Variants in SLC13A3 observed in about 807,000 individuals in gnomAD.
SLC13A3 encodes solute carrier family 13 member 3.
In SLC13A3, 40 loss-of-function variants were observed where a neutral mutation model predicts 59.0. That is an observed-to-expected ratio of 0.68 (90% confidence interval 0.53 to 0.88). The LOEUF is 0.88. SLC13A3 is among the 40% of genes least tolerant of loss of function. The pLI is 0.00. For missense variants in SLC13A3, 699 were observed against 783.2 expected (o/e 0.89, Z 1.28); for synonymous variants, 317 against 330.3 (o/e 0.96, Z 0.44).
At position 46,600,036 on chromosome 20, in the gene SLC13A3, A is replaced by G. The variant is rs780469135; in HGVS notation, c.543T>C (p.Ala181=). The G allele has an allele frequency of 6.4e-7, 1 of 1,559,836 alleles. No homozygotes were observed. The highest frequency in any genetic ancestry group is 8.8e-7 in the Non-Finnish European group (1 of 1,142,352). The change falls in exon 4 of 13, where the codon GCT becomes GCC. Residue 181 remains alanine, a splice_region_variant and synonymous_variant. Transcript: ENST00000279027. ...DPSQESEENT[A]AVRRNGLHTV... ...TGTGTAGGCCGTTTCTCCGCACAGCAGCTAGGAGGAAAGAGCATGATGTCT... is the reference window on the plus strand; with the variant it reads ...TGTGTAGGCCGTTTCTCCGCACAGCGGCTAGGAGGAAAGAGCATGATGTCT...
At chr20:46,578,675 T>TA (rs930608599) in intron 9 of SLC13A3, among the ~76,000 whole-genome samples, 2 of 151,852 alleles carry the variant, frequency 1.3e-5, no homozygotes. Flanking sequence ...GACCCTGTCT[T>TA]AAAAAATAAA....
rs758807264 is a variant in SLC13A3, at chr20:46,613,660, G to A, written c.177C>T (p.Leu59=). 1.2e-6 allele frequency: 2 copies of A among 1,612,236 alleles called. No homozygotes were observed. The highest frequency in any genetic ancestry group is 3.4e-5 in the Admixed American group (2 of 59,690). Residue 59 remains leucine, a synonymous_variant, in exon 2 of 13, where the codon CTC becomes CTT. Coordinates refer to ENST00000279027, the MANE Select transcript of SLC13A3 (RefSeq NM_022829.6). ...AVYWCTEALP[L]SVTALLPIVL... ...CGATGGGCAGCAGCGCCGTCACTGA[G>A]AGCGGCAGGGCCTCCGTGCACCAGT...
intron 10 of SLC13A3, among the ~76,000 whole-genome samples, chr20:46,567,904 T>C (rs1429385209): frequency 6.6e-6 from 1 of 152,166 alleles, no homozygotes; most frequent in African/African-American, 2.4e-5. Context: ...TGCTTAGACC[T>C]AGAACAAAGC....
chr20:46,653,563 T>C (rs2062966259), upstream of SLC13A3, among the ~76,000 whole-genome samples: 1 of 152,190 alleles, frequency 6.6e-6, no homozygotes, highest in African/African-American at 2.4e-5. Context: ...TTGGACAAGC[T>C]TGTCAGAAGT....
intron 1 of SLC13A3, among the ~76,000 whole-genome samples, chr20:46,619,939 G>A (rs183260166): frequency 6.6e-6 from 1 of 152,248 alleles, no homozygotes; most frequent in Admixed American, 6.5e-5. Flanking sequence ...CATGACTTTC[G>A]TGACCTTGGA....
intron 1 of SLC13A3, among the ~76,000 whole-genome samples, chr20:46,644,277 C>T (rs1204437043): frequency 6.6e-6 from 1 of 152,094 alleles, no homozygotes; most frequent in African/African-American, 2.4e-5. Context: ...TAACTATAAG[C>T]CAGCACTCCA....
At chr20:46,636,610 C>T (rs1289242425) in intron 1 of SLC13A3, among the ~76,000 whole-genome samples, 1 of 152,178 alleles carries the variant, frequency 6.6e-6, no homozygotes, top group Admixed American at 6.5e-5. Flanking sequence ...CCTGGCTCCT[C>T]ATCACAGCCC....
At chr20:46,577,550 A>G (rs366809) in intron 9 of SLC13A3, among the ~76,000 whole-genome samples, 120,714 of 149,194 alleles carry the variant, frequency 0.81, 48,022 homozygotes, top group East Asian at 0.89. Context: ...GAAGGAAGAA[A>G]GCCTTGAGCA....
At chr20:46,591,143 G>C (rs1368133731) in intron 6 of SLC13A3, among the ~76,000 whole-genome samples, 1 of 151,500 alleles carries the variant, frequency 6.6e-6, no homozygotes, top group Non-Finnish European at 1.5e-5. Context: ...CTCCAGCCTG[G>C]GTGACAGAAT....
intron 1 of SLC13A3, among the ~76,000 whole-genome samples, chr20:46,661,691 TG>T (rs1378577875): frequency 6.6e-6 from 1 of 152,154 alleles, no homozygotes; most frequent in African/African-American, 2.4e-5. Flanking sequence ...TGGAGGGCTA[TG>T]GTTCTACACA....
intron 1 of SLC13A3, among the ~76,000 whole-genome samples, chr20:46,624,943 A>C (rs1334764598): frequency 2.6e-5 from 4 of 152,118 alleles, no homozygotes; most frequent in Middle Eastern, 3.4e-3. Context: ...GGGAAAAAAA[A>C]CCCAAGGGAA....
At chr20:46,672,435 G>A (rs1285598805), upstream of SLC13A3, among the ~76,000 whole-genome samples, 2 of 152,190 alleles carry the variant, frequency 1.3e-5, no homozygotes, top group Non-Finnish European at 2.9e-5. Context: ...ACCTGTGCCA[G>A]GCACTGTGCT....
At chr20:46,584,322 C>A (rs1600519053) in intron 8 of SLC13A3, 1 of 985,422 alleles carries the variant, frequency 1.0e-6, no homozygotes, top group Non-Finnish European at 1.2e-6. Flanking sequence ...ACAAATACAA[C>A]CAAGATACCC....
intron 1 of SLC13A3, among the ~76,000 whole-genome samples, chr20:46,679,696 C>T (rs932973587): frequency 1.1e-4 from 16 of 151,788 alleles, no homozygotes; most frequent in African/African-American, 3.4e-4. Flanking sequence ...TCATTTGAGG[C>T]GGGACTTTGA....
At chr20:46,563,630 G>GAGAC in intron 11 of SLC13A3, 79 bp from the exon 12 acceptor site, 1 of 1,473,736 alleles carries the variant, frequency 6.8e-7, no homozygotes, top group Non-Finnish European at 9.2e-7. Flanking sequence ...GAGAGAGAGA[G>GAGAC]AGGCAGTTGG....
chr20:46,648,143 T>G (rs1231092410), intron 1 of SLC13A3, among the ~76,000 whole-genome samples: 1 of 152,124 alleles, frequency 6.6e-6, no homozygotes, highest in Admixed American at 6.5e-5. Context: ...AGAATTGTCT[T>G]GAAGCTCCAT....
intron 1 of SLC13A3, among the ~76,000 whole-genome samples, chr20:46,643,667 A>C (rs997412917): frequency 4.6e-5 from 7 of 152,248 alleles, no homozygotes; most frequent in African/African-American, 1.7e-4. Context: ...CTGAATAGAA[A>C]TAAGTGAACT....
chr20:46,616,224 C>A (rs1039852000), intron 1 of SLC13A3, among the ~76,000 whole-genome samples: 2 of 152,150 alleles, frequency 1.3e-5, no homozygotes, highest in African/African-American at 2.4e-5. Context: ...ATACTTATAA[C>A]CCCCAGCCCT....
intron 1 of SLC13A3, among the ~76,000 whole-genome samples, chr20:46,661,797 C>G (rs1181648112): frequency 1.3e-5 from 2 of 152,130 alleles, no homozygotes; most frequent in Non-Finnish European, 2.9e-5. Flanking sequence ...GGGAATCTCT[C>G]AATTCTTCTA....
Sources: allele counts gnomAD v4.1 joint callset (sites outside exome capture counted in the v4.1 genomes callset), GRCh38; gene constraint gnomAD v4.1.1; transcripts MANE v1.5; gene names NCBI Gene and HGNC (gene_info 2026-07-23, HGNC 2026-07-21).